Variants in MSRA observed in about 807,000 individuals in gnomAD.
MSRA encodes mitochondrial peptide methionine sulfoxide reductase.
Under a neutral mutation model 31.3 loss-of-function variants are expected in MSRA, and 54 were observed. The observed-to-expected ratio is 1.73, with a 90% CI of 1.39 to 2.17. The LOEUF is 2.17. Ranked by LOEUF, MSRA falls within the 30% of genes most tolerant of loss-of-function variation. The pLI is 0.00. For synonymous variants in MSRA, 169 were observed against 116.5 expected (o/e 1.45, Z -2.90); for missense variants, 507 against 300.9 (o/e 1.69, Z -5.07).
intron 1 of MSRA, among the ~76,000 whole-genome samples, chr8:10,105,784 T>C (rs1195525435): frequency 2.0e-5 from 3 of 152,222 alleles, no homozygotes; most frequent in African/African-American, 4.8e-5. Context: ...TGTGTATCTT[T>C]TGTTGTGCAA....
intron 1 of MSRA, among the ~76,000 whole-genome samples, chr8:10,153,006 A>G (rs112085932): frequency 5.9e-5 from 9 of 152,246 alleles, no homozygotes; most frequent in African/African-American, 2.2e-4. Context: ...GGCTGAGGAG[A>G]AGAGGGGATG....
chr8:10,349,569 C>G (rs577850180), intron 5 of MSRA, among the ~76,000 whole-genome samples: 1 of 152,228 alleles, frequency 6.6e-6, no homozygotes, highest in Non-Finnish European at 1.5e-5. Flanking sequence ...CCCTTGAGCA[C>G]AGGTCTCTGT....
At chr8:10,217,373 T>C (rs1810085449) in intron 2 of MSRA, among the ~76,000 whole-genome samples, 1 of 152,256 alleles carries the variant, frequency 6.6e-6, no homozygotes, top group Admixed American at 6.5e-5. Context: ...GGTCCTTGCA[T>C]CTCTGCAGGT....
intron 5 of MSRA, among the ~76,000 whole-genome samples, chr8:10,322,237 A>T (rs1230845396): frequency 5.2e-4 from 4 of 7,720 alleles, no homozygotes; most frequent in Non-Finnish European, 2.9e-3. Context: ...CATTTTCCAG[A>T]TGCTCAAAGA....
intron 5 of MSRA, among the ~76,000 whole-genome samples, chr8:10,355,706 C>A (rs574528790): frequency 3.0e-4 from 46 of 152,126 alleles, no homozygotes; most frequent in African/African-American, 8.2e-4. Context: ...TCCTGGGTGC[C>A]CTTGGAAAGC....
intron 2 of MSRA, among the ~76,000 whole-genome samples, chr8:10,226,106 C>T (rs1056512946): frequency 2.0e-5 from 3 of 152,158 alleles, no homozygotes; most frequent in Non-Finnish European, 4.4e-5. Context: ...TGGCAGGGAA[C>T]CACGGCTTCT....
At chr8:10,082,899 A>G (rs1798365828) in intron 1 of MSRA, among the ~76,000 whole-genome samples, 1 of 152,228 alleles carries the variant, frequency 6.6e-6, no homozygotes, top group Non-Finnish European at 1.5e-5. Flanking sequence ...GAACGACTAG[A>G]TGTGCTCAGC....
At chr8:10,093,224 T>C (rs368718428) in intron 1 of MSRA, among the ~76,000 whole-genome samples, 5 of 152,320 alleles carry the variant, frequency 3.3e-5, no homozygotes, top group African/African-American at 1.2e-4. Flanking sequence ...ACTTATGCTA[T>C]TGGGCTATAT....
chr8:10,215,652 G>A (rs1398327441), intron 2 of MSRA, among the ~76,000 whole-genome samples: 1 of 152,212 alleles, frequency 6.6e-6, no homozygotes, highest in Non-Finnish European at 1.5e-5. Context: ...AGAAGCCCAT[G>A]TTATTAAACT....
intron 1 of MSRA, among the ~76,000 whole-genome samples, chr8:10,135,785 A>G (rs1024318799): frequency 6.6e-6 from 1 of 152,218 alleles, no homozygotes; most frequent in Admixed American, 6.5e-5. Context: ...CATATACGCA[A>G]ACTGGCAGAC....
chr8:10,312,731 A>C (rs995599877), intron 4 of MSRA, among the ~76,000 whole-genome samples: 15 of 152,234 alleles, frequency 9.9e-5, no homozygotes, highest in African/African-American at 3.6e-4. Context: ...AACGAACACA[A>C]GCTTAGTTTA....
chr8:10,263,019 C>T (rs889922131), intron 3 of MSRA, among the ~76,000 whole-genome samples: 13 of 152,220 alleles, frequency 8.5e-5, no homozygotes, highest in Non-Finnish European at 7.3e-5. Context: ...GCCATCCACC[C>T]TCCCACATGG....
At chr8:10,331,302 A>ACTGGCTGGAG (rs1802681894) in intron 5 of MSRA, among the ~76,000 whole-genome samples, 1 of 152,198 alleles carries the variant, frequency 6.6e-6, no homozygotes, top group Admixed American at 6.5e-5. Context: ...GAGGAGAACA[A>ACTGGCTGGAG]CTGGCTGGAG....
At chr8:10,211,977 G>A (rs564519637) in intron 2 of MSRA, among the ~76,000 whole-genome samples, 1 of 151,948 alleles carries the variant, frequency 6.6e-6, no homozygotes, top group South Asian at 2.1e-4. Context: ...GGAGGGCAGG[G>A]GATTCCAAGC....
chr8:10,166,537 G>A (rs1037245941), intron 1 of MSRA, among the ~76,000 whole-genome samples: 1 of 152,184 alleles, frequency 6.6e-6, no homozygotes, highest in African/African-American at 2.4e-5. Context: ...ATGTGTGTGT[G>A]CATGTGCATT....
At chr8:10,233,013 G>T (rs187491433) in intron 2 of MSRA, among the ~76,000 whole-genome samples, 14 of 152,316 alleles carry the variant, frequency 9.2e-5, no homozygotes, top group Non-Finnish European at 1.9e-4. Context: ...AGGGGAGGTG[G>T]TGGTGGTGAC....
chr8:10,203,667 G>T lies in MSRA; in HGVS notation c.143-4166G>T, dbSNP rs1397915586. 2.0e-5 allele frequency among the ~76,000 whole-genome samples: 3 copies of T among 152,208 alleles called. No individual in the cohort carries two copies. The East Asian group carries it at 5.8e-4, about 29-fold the overall frequency. ...ATAGTTGATAATCATCATAAACAAT[G>T]ATGTTACTGGCTTATGTATTTGCTA... On this transcript the variant is annotated intron_variant, in intron 1 of 5. Coordinates refer to ENST00000317173, the MANE Select transcript of MSRA (RefSeq NM_012331.5).
chr8:10,428,587 C>T lies in MSRA; in HGVS notation c.*275C>T, dbSNP rs1216056480. 1 of 394,742 alleles carries T rather than the reference C, an allele frequency of 2.5e-6. No homozygotes were observed. The allele number at this position is 394,742 out of a possible 1,614,324, so 24.5% of individuals were successfully genotyped here. On this transcript the variant is annotated 3_prime_UTR_variant, in exon 6 of 6. Coordinates refer to ENST00000317173, the MANE Select transcript of MSRA (RefSeq NM_012331.5). ...AGATAGCAGGGATGCTGTGTTCACC[C>T]TTCTTGGTAGAAGCTAAGGTGTGAG...
At chr8:10,108,028 G>C (rs1800011158) in intron 1 of MSRA, among the ~76,000 whole-genome samples, 1 of 152,130 alleles carries the variant, frequency 6.6e-6, no homozygotes, top group Non-Finnish European at 1.5e-5. Flanking sequence ...CCTTGGTGGT[G>C]ACAGAATATA....
Sources: allele counts gnomAD v4.1 joint callset (sites outside exome capture counted in the v4.1 genomes callset), GRCh38; gene constraint gnomAD v4.1.1; transcripts MANE v1.5; gene names NCBI Gene and HGNC (gene_info 2026-07-23, HGNC 2026-07-21).